GALNTL6: variants seen among roughly 807,000 people sequenced by gnomAD.
The protein encoded by GALNTL6 is polypeptide N-acetylgalactosaminyltransferase like 6, also known as polypeptide N-acetylgalactosaminyltransferase-like 6.
GALNTL6 carries 46 observed loss-of-function variants against 73.7 expected under a neutral mutation model. That is an observed-to-expected ratio of 0.62 (90% confidence interval 0.49 to 0.80). The LOEUF is 0.80. Among genes scored for constraint, GALNTL6 ranks in the 30% least tolerant of loss-of-function variants. GALNTL6 has a pLI of 0.00. For synonymous variants in GALNTL6, 259 were observed against 263.7 expected, an observed-to-expected ratio of 0.98 and a Z score of 0.17; for missense variants, 604 against 755.0, an observed-to-expected ratio of 0.80 and a Z score of 2.34.
intron 2 of GALNTL6, among the ~76,000 whole-genome samples, chr4:171,907,251 G>A (rs1578960417): frequency 2.6e-5 from 4 of 152,116 alleles, no homozygotes; most frequent in Admixed American, 1.3e-4. Flanking sequence ...AAACCCCATT[G>A]TCTCAGCCCA....
chr4:172,807,790 G>A (rs1579508230), intron 5 of GALNTL6, among the ~76,000 whole-genome samples: 1 of 152,054 alleles, frequency 6.6e-6, no homozygotes, highest in Non-Finnish European at 1.5e-5. Flanking sequence ...AAACACTCTC[G>A]TGGAAAATCC....
chr4:172,703,256 C>A (rs948333543), intron 5 of GALNTL6, among the ~76,000 whole-genome samples: 2 of 151,954 alleles, frequency 1.3e-5, no homozygotes, highest in Non-Finnish European at 2.9e-5. Context: ...GGAAAGTGGA[C>A]CTCTTTGCCT....
intron 2 of GALNTL6, among the ~76,000 whole-genome samples, chr4:171,923,610 G>T (rs1451017160): frequency 6.8e-6 from 1 of 147,494 alleles, no homozygotes; most frequent in African/African-American, 2.5e-5. Flanking sequence ...GTTTCACCGT[G>T]TTAGCCAGGA....
chr4:172,779,217 A>G (rs573383684), intron 5 of GALNTL6, among the ~76,000 whole-genome samples: 7 of 152,304 alleles, frequency 4.6e-5, no homozygotes, highest in Admixed American at 2.0e-4. Flanking sequence ...ATTGCCCTAT[A>G]TTTTAAAGGC....
At chr4:172,771,245 T>C (rs1359319837) in intron 5 of GALNTL6, among the ~76,000 whole-genome samples, 1 of 152,228 alleles carries the variant, frequency 6.6e-6, no homozygotes, top group East Asian at 1.9e-4. Flanking sequence ...TTGCCTGAGA[T>C]AATCTAGTGA....
At chr4:171,983,973 G>C (rs1006479327) in intron 2 of GALNTL6, among the ~76,000 whole-genome samples, 1 of 152,164 alleles carries the variant, frequency 6.6e-6, no homozygotes. Context: ...TACTGGGAGG[G>C]TTGGACATGT....
Position 172,555,759 on chromosome 4 carries a change from A to T in GALNTL6, c.553+207070A>T, listed in dbSNP as rs552919815. ...AATTTCATAAAAGACTGAGATAAACAAATATATTTTAAAAGAATTTTTAAC... is the reference window on the plus strand; with the variant it reads ...AATTTCATAAAAGACTGAGATAAACTAATATATTTTAAAAGAATTTTTAAC... On this transcript the variant is annotated intron_variant, in intron 5 of 12. Coordinates refer to ENST00000506823, the MANE Select transcript of GALNTL6 (RefSeq NM_001034845.3). Among the ~76,000 whole-genome samples, 8 of 152,238 alleles carry T rather than the reference A, an allele frequency of 5.3e-5. No homozygotes were observed. In the South Asian group the frequency reaches 1.7e-3, roughly 32 times the overall value.
intron 7 of GALNTL6, among the ~76,000 whole-genome samples, chr4:172,869,705 T>G (rs765669071): frequency 9.2e-5 from 14 of 152,218 alleles, no homozygotes; most frequent in Non-Finnish European, 2.1e-4. Context: ...GATGCCAGCC[T>G]ACATCCTTTC....
intron 11 of GALNTL6, 33 bp from the exon 12 acceptor site, chr4:173,021,443 A>G (rs1349189591): frequency 6.2e-7 from 1 of 1,612,212 alleles, no homozygotes; most frequent in African/African-American, 1.3e-5. Flanking sequence ...AAACAAACTC[A>G]CTGCAGCTTT....
chr4:172,884,883 T>C (rs1439414703), intron 8 of GALNTL6, among the ~76,000 whole-genome samples: 1 of 152,210 alleles, frequency 6.6e-6, no homozygotes, highest in Non-Finnish European at 1.5e-5. Context: ...AACTGTCCTT[T>C]TCCCCACTGT....
At chr4:172,400,445 G>A (rs1043928933) in intron 5 of GALNTL6, among the ~76,000 whole-genome samples, 1 of 152,118 alleles carries the variant, frequency 6.6e-6, no homozygotes, top group Admixed American at 6.6e-5. Context: ...TGACAAGTAA[G>A]GGACAAGAAA....
intron 5 of GALNTL6, among the ~76,000 whole-genome samples, chr4:172,485,876 G>C (rs1733647293): frequency 6.6e-6 from 1 of 152,136 alleles, no homozygotes; most frequent in Non-Finnish European, 1.5e-5. Flanking sequence ...AACAGTAAAG[G>C]GATGTGCGTT....
intron 11 of GALNTL6, among the ~76,000 whole-genome samples, chr4:173,019,847 C>A (rs1187662793): frequency 6.6e-6 from 1 of 152,230 alleles, no homozygotes; most frequent in East Asian, 1.9e-4. Context: ...CACCACTTAA[C>A]TATCTTTGTT....
chr4:171,854,988 C>G (rs1037110556), intron 2 of GALNTL6, among the ~76,000 whole-genome samples: 6 of 152,254 alleles, frequency 3.9e-5, no homozygotes, highest in South Asian at 2.1e-4. Flanking sequence ...GCCCCCACCT[C>G]CTCCTGCTCC....
intron 2 of GALNTL6, among the ~76,000 whole-genome samples, chr4:172,049,250 C>T (rs145345738): frequency 1.3e-3 from 193 of 152,028 alleles, no homozygotes; most frequent in African/African-American, 4.4e-3. Context: ...TTATAGAAAG[C>T]ATTCACAAGA....
intron 2 of GALNTL6, among the ~76,000 whole-genome samples, chr4:171,986,811 T>C (rs1039936888): frequency 1.3e-5 from 2 of 152,178 alleles, no homozygotes; most frequent in Non-Finnish European, 2.9e-5. Flanking sequence ...CCAGGACATC[T>C]GATTAGAGAG....
chr4:172,738,587 A>G (rs1736604749), intron 5 of GALNTL6, among the ~76,000 whole-genome samples: 1 of 128,974 alleles, frequency 7.8e-6, no homozygotes, highest in African/African-American at 3.4e-5. Context: ...TACAAAATAT[A>G]TTTTAAAACG....
In GALNTL6 at chr4:172,363,058, CACA is replaced by C. The variant is rs1211783418; in HGVS notation, c.553+14373_553+14375del. 7.9e-5 allele frequency among the ~76,000 whole-genome samples: 12 copies of C among 152,218 alleles called. No homozygotes were observed. The South Asian group carries it at 2.1e-3, about 26-fold the overall frequency. ...TCCCTCTCTATAACTTTTTCTTATG[CACA>C]ACATGTCAAAGTCCACCCTCCCTGA... is the stretch of plus-strand genomic sequence containing the variant. On this transcript the variant is annotated intron_variant, in intron 5 of 12. Coordinates refer to ENST00000506823, the MANE Select transcript of GALNTL6 (RefSeq NM_001034845.3).
intron 5 of GALNTL6, among the ~76,000 whole-genome samples, chr4:172,781,186 C>A (rs1739352685): frequency 6.6e-6 from 1 of 152,160 alleles, no homozygotes; most frequent in South Asian, 2.1e-4. Context: ...AGGTACCAAC[C>A]ATAGAACCTT....
Sources: allele counts gnomAD v4.1 joint callset (sites outside exome capture counted in the v4.1 genomes callset), GRCh38; gene constraint gnomAD v4.1.1; transcripts MANE v1.5; gene names NCBI Gene and HGNC (gene_info 2026-07-23, HGNC 2026-07-21).